PTPRG: variants seen among roughly 807,000 people sequenced by gnomAD.
The protein encoded by PTPRG is protein tyrosine phosphatase receptor type G.
In PTPRG, 102 loss-of-function variants were observed where a neutral mutation model predicts 165.3. The observed-to-expected ratio is 0.62, with a 90% CI of 0.53 to 0.73. PTPRG has a LOEUF of 0.73. Among genes scored for constraint, PTPRG ranks in the 30% least tolerant of loss-of-function variants. PTPRG has a pLI of 0.00. For synonymous variants in PTPRG, 675 were observed against 669.5 expected (o/e 1.01, Z -0.13); for missense variants, 1,866 against 1,861.4 (o/e 1.00, Z -0.05).
At chr3:61,940,100 C>T (rs541069654) in intron 2 of PTPRG, among the ~76,000 whole-genome samples, 5 of 152,014 alleles carry the variant, frequency 3.3e-5, no homozygotes, top group African/African-American at 9.6e-5. Flanking sequence ...GCACCTACCA[C>T]CATGCCTGGC....
At chr3:61,843,964 C>CTTTTTTT (rs11310810) in intron 2 of PTPRG, among the ~76,000 whole-genome samples, 1 of 122,092 alleles carries the variant, frequency 8.2e-6, no homozygotes, top group African/African-American at 3.1e-5. Flanking sequence ...TTTTACAACT[C>CTTTTTTT]TTTTTTTTTT....
At chr3:61,729,061 CAAA>C (rs927248532) in intron 1 of PTPRG, among the ~76,000 whole-genome samples, 1 of 79,308 alleles carries the variant, frequency 1.3e-5, no homozygotes, top group Non-Finnish European at 2.6e-5. Context: ...GACCCTGTCT[CAAA>C]AAAACAAACA....
At chr3:62,017,623 A>T in intron 4 of PTPRG, among the ~76,000 whole-genome samples, 1 of 143,330 alleles carries the variant, frequency 7.0e-6, no homozygotes, top group African/African-American at 2.6e-5. Context: ...ACGGGGTTTC[A>T]CCGTGTTAGC....
At chr3:61,616,333 G>T (rs1163296039) in intron 1 of PTPRG, among the ~76,000 whole-genome samples, 8 of 152,216 alleles carry the variant, frequency 5.3e-5, no homozygotes, top group African/African-American at 1.7e-4. Flanking sequence ...CAAATCTATG[G>T]GTTAAGTATG....
chr3:62,169,462 C>T (rs1488425187), intron 8 of PTPRG, among the ~76,000 whole-genome samples: 1 of 152,086 alleles, frequency 6.6e-6, no homozygotes, highest in Non-Finnish European at 1.5e-5. Flanking sequence ...TCAGGCATCT[C>T]AGTCTTTTTC....
intron 1 of PTPRG, among the ~76,000 whole-genome samples, chr3:61,611,844 A>G (rs779181359): frequency 7.2e-5 from 11 of 152,202 alleles, no homozygotes; most frequent in Non-Finnish European, 1.6e-4. Context: ...TATTCTTTTG[A>G]CTTTTAAAAA....
rs113552061 is a variant in PTPRG at position 61,745,111 on chromosome 3, C to T, written c.86-3767C>T. 1.3e-3 allele frequency among the ~76,000 whole-genome samples: 169 copies of T among 129,826 alleles called. 1 individual carries two copies. Among genetic ancestry groups the T allele is most frequent in the African/African-American group, 4.6e-3 (158 of 34,226 alleles). The allele number at this position is 129,826 out of a possible 152,430, so 85.2% of individuals were successfully genotyped here. On this transcript the variant is annotated intron_variant, in intron 1 of 29. Transcript: ENST00000474889. ...CTGTTGCCAGGCTGGAGTGCAGTGG[C>T]GTGATCTCGGCTCTCTGCAAGCTCC...
intron 2 of PTPRG, among the ~76,000 whole-genome samples, chr3:61,911,658 T>A (rs1420924862): frequency 6.6e-6 from 1 of 152,226 alleles, no homozygotes; most frequent in Non-Finnish European, 1.5e-5. Context: ...TTCCCCATTT[T>A]GAAGCATTGT....
intron 5 of PTPRG, among the ~76,000 whole-genome samples, chr3:62,095,486 T>C (rs1196461028): frequency 2.6e-5 from 4 of 152,200 alleles, no homozygotes; most frequent in Admixed American, 6.5e-5. Flanking sequence ...CTTATACATA[T>C]ATAGTATAAC....
At chr3:62,080,130 C>A (rs2106759209) in intron 5 of PTPRG, among the ~76,000 whole-genome samples, 1 of 146,688 alleles carries the variant, frequency 6.8e-6, no homozygotes, top group African/African-American at 2.6e-5. Flanking sequence ...TGCAGTGGCA[C>A]TATCTCAGCT....
chr3:61,918,186 T>A (rs2107554331), intron 2 of PTPRG, among the ~76,000 whole-genome samples: 1 of 152,198 alleles, frequency 6.6e-6, no homozygotes, highest in African/African-American at 2.4e-5. Flanking sequence ...ATCAAAAAAA[T>A]ACTTGGATTG....
At chr3:61,850,244 C>T (rs1180964681) in intron 2 of PTPRG, among the ~76,000 whole-genome samples, 3 of 152,148 alleles carry the variant, frequency 2.0e-5, no homozygotes, top group African/African-American at 4.8e-5. Flanking sequence ...CTCACTGCAA[C>T]CCCCGCCTCC....
chr3:62,059,360 C>A (rs1437769633), intron 4 of PTPRG, among the ~76,000 whole-genome samples: 1 of 152,182 alleles, frequency 6.6e-6, no homozygotes, highest in Non-Finnish European at 1.5e-5. Context: ...AAAGCTTGCC[C>A]TCTGAAGACT....
chr3:62,055,582 G>C (rs552940961), intron 4 of PTPRG, among the ~76,000 whole-genome samples: 1 of 152,144 alleles, frequency 6.6e-6, no homozygotes, highest in Non-Finnish European at 1.5e-5. Flanking sequence ...AAGTAGCTTA[G>C]AACAGCAGAT....
chr3:61,654,804 C>G (rs1294411932), intron 1 of PTPRG, among the ~76,000 whole-genome samples: 5 of 114,942 alleles, frequency 4.4e-5, no homozygotes, highest in African/African-American at 1.0e-4. Context: ...TTTTTTGAGA[C>G]AAAGTCTCAC....
chr3:61,600,190 A>ATGTGTGTGTGTGTGTGTGTGTGTGTG lies in PTPRG; in HGVS notation c.85+37819_85+37820insGTGTGTGTGTGTGTGTGTGTGTGTGT, dbSNP rs1293051250. ...AAAAAAAAAATATATATATATATATATATGTGTGTGTGTGTGTGTGTGTGT... is the reference window on the plus strand; with the variant it reads ...AAAAAAAAAATATATATATATATATATGTGTGTGTGTGTGTGTGTGTGTGTGTATGTGTGTGTGTGTGTGTGTGTGT... On this transcript the variant is annotated intron_variant, in intron 1 of 29. Coordinates refer to ENST00000474889, the MANE Select transcript of PTPRG (RefSeq NM_002841.4). 1.4e-3 allele frequency among the ~76,000 whole-genome samples: 165 copies of ATGTGTGTGTGTGTGTGTGTGTGTGTG among 117,860 alleles called. 1 individual carries two copies. Among genetic ancestry groups the ATGTGTGTGTGTGTGTGTGTGTGTGTG allele is most frequent in the Non-Finnish European group, 2.5e-3 (136 of 54,282 alleles). 77.3% of individuals were successfully genotyped at this position (117,860 alleles called of 152,430 possible).
At chr3:61,782,962 C>T (rs2034588192) in intron 2 of PTPRG, among the ~76,000 whole-genome samples, 1 of 151,994 alleles carries the variant, frequency 6.6e-6, no homozygotes, top group Non-Finnish European at 1.5e-5. Context: ...ACAACCATAC[C>T]TGGCTAATTA....
At chr3:61,835,146 T>C (rs2036421674) in intron 2 of PTPRG, among the ~76,000 whole-genome samples, 1 of 152,170 alleles carries the variant, frequency 6.6e-6, no homozygotes, top group Non-Finnish European at 1.5e-5. Context: ...TCCAGTTTGG[T>C]AGTTTCCAGG....
rs553352903 is a variant in PTPRG at position 61,666,106 on chromosome 3, T to C, written c.86-82772T>C. ...CCAGAATGCTGGTGACTATTGAGTT[T>C]GGCCAGAAAATCCTATAAAGGAGAA... is the stretch of plus-strand genomic sequence containing the variant. On this transcript the variant is annotated intron_variant, in intron 1 of 29. Transcript: ENST00000474889. 9.9e-5 allele frequency among the ~76,000 whole-genome samples: 15 copies of C among 152,260 alleles called. No individual in the cohort carries two copies. The South Asian group carries it at 1.2e-3, about 13-fold the overall frequency.
Sources: allele counts gnomAD v4.1 joint callset (sites outside exome capture counted in the v4.1 genomes callset), GRCh38; gene constraint gnomAD v4.1.1; transcripts MANE v1.5; gene names NCBI Gene and HGNC (gene_info 2026-07-23, HGNC 2026-07-21).